The following ITGA9 variants were observed in gnomAD, a reference collection of about 807,000 sequenced individuals.
ITGA9 encodes the protein integrin alpha-9.
A neutral mutation model predicts 127.8 loss-of-function variants in ITGA9; 56 were observed. That is an observed-to-expected ratio of 0.44 (90% CI 0.35 to 0.55). The LOEUF is 0.55. ITGA9 is among the 20% of genes least tolerant of loss of function. The pLI, the probability that ITGA9 is intolerant of heterozygous loss-of-function variation, is 0.00. For missense variants in ITGA9, 1,196 were observed against 1,347.1 expected (o/e 0.89, Z 1.76); for synonymous variants, 508 against 514.5 (o/e 0.99, Z 0.17).
At chr3:37,502,961 T>C (rs1698803053) in intron 5 of ITGA9, among the ~76,000 whole-genome samples, 1 of 152,236 alleles carries the variant, frequency 6.6e-6, no homozygotes, top group African/African-American at 2.4e-5. Flanking sequence ...GTCACCTTGC[T>C]CAGTCTCTTC....
intron 17 of ITGA9, among the ~76,000 whole-genome samples, chr3:37,666,692 A>T (rs565050547): frequency 6.6e-6 from 1 of 152,332 alleles, no homozygotes; most frequent in Non-Finnish European, 1.5e-5. Context: ...CTTTTGCTAC[A>T]TTCTGTTGAT....
chr3:37,724,791 C>T (rs1701229371), intron 18 of ITGA9, among the ~76,000 whole-genome samples: 1 of 152,188 alleles, frequency 6.6e-6, no homozygotes, highest in Admixed American at 6.5e-5. Flanking sequence ...AGCCACTGAG[C>T]CCGGTCAAAA....
chr3:37,772,428 G>A (rs1246803876), intron 23 of ITGA9, among the ~76,000 whole-genome samples: 1 of 151,894 alleles, frequency 6.6e-6, no homozygotes, highest in African/African-American at 2.4e-5. Flanking sequence ...CAAAAATGTG[G>A]GGACAGTAAT....
At chr3:37,604,717 T>C (rs1699951674) in intron 15 of ITGA9, among the ~76,000 whole-genome samples, 1 of 152,196 alleles carries the variant, frequency 6.6e-6, no homozygotes, top group Admixed American at 6.5e-5. Context: ...TTTTGGCAGA[T>C]GTCCTTTGTA....
chr3:37,457,734 G>A (rs370907531), intron 1 of ITGA9, among the ~76,000 whole-genome samples: 9 of 152,330 alleles, frequency 5.9e-5, no homozygotes, highest in South Asian at 2.1e-4. Context: ...GCATCTTCTC[G>A]GGGTTTCTGG....
intron 27 of ITGA9, among the ~76,000 whole-genome samples, chr3:37,815,775 G>A (rs59734193): frequency 0.012 from 1,902 of 152,250 alleles, 46 homozygotes; most frequent in African/African-American, 0.044. Context: ...CCAGTATTCA[G>A]CGGCTTAAAA....
Position 37,779,884 on chromosome 3 carries a change from T to C in ITGA9, c.2668-18T>C, listed in dbSNP as rs749335005. 55 of 1,613,606 alleles carry C rather than the reference T, an allele frequency of 3.4e-5. No individual in the cohort carries two copies. The highest frequency in any genetic ancestry group is 6.8e-6 in the Non-Finnish European group (8 of 1,179,680). On this transcript the variant is annotated intron_variant, in intron 24 of 27. Transcript: ENST00000264741. ...TGTTCTTAATTCCATTGGAAATTTT[T>C]CTGACTTTTCTTCTCAGGACTGTGA...
chr3:37,496,409 T>C (rs1363418670), intron 5 of ITGA9, among the ~76,000 whole-genome samples: 1 of 152,160 alleles, frequency 6.6e-6, no homozygotes, highest in East Asian at 1.9e-4. Context: ...CTCACTCTCC[T>C]ACTTCTAAGC....
intron 17 of ITGA9, among the ~76,000 whole-genome samples, chr3:37,683,542 A>G (rs1287792264): frequency 6.6e-6 from 1 of 152,190 alleles, no homozygotes; most frequent in East Asian, 1.9e-4. Context: ...GCACTCAGAA[A>G]TAACCGCATG....
chr3:37,515,108 G>A (rs1474075625), intron 9 of ITGA9, among the ~76,000 whole-genome samples: 7 of 152,108 alleles, frequency 4.6e-5, no homozygotes, highest in Admixed American at 6.5e-5. Flanking sequence ...TTCTGGTGCC[G>A]CCTACCTTTT....
intron 16 of ITGA9, among the ~76,000 whole-genome samples, chr3:37,630,656 C>T (rs750712483): frequency 6.6e-6 from 1 of 152,314 alleles, no homozygotes; most frequent in East Asian, 1.9e-4. Flanking sequence ...CCTACACACA[C>T]ATCAGCCAGG....
chr3:37,563,046 T>C (rs2125600794), intron 15 of ITGA9, among the ~76,000 whole-genome samples: 1 of 152,206 alleles, frequency 6.6e-6, no homozygotes, highest in African/African-American at 2.4e-5. Flanking sequence ...CATTGACTAA[T>C]TGCCCAATAA....
At chr3:37,618,181 G>T (rs1397077208) in intron 15 of ITGA9, among the ~76,000 whole-genome samples, 1 of 152,220 alleles carries the variant, frequency 6.6e-6, no homozygotes, top group Non-Finnish European at 1.5e-5. Context: ...CCTTCTAACA[G>T]TCAGGACCCT....
chr3:37,601,630 A>G (rs1226568341), intron 15 of ITGA9, among the ~76,000 whole-genome samples: 1 of 152,208 alleles, frequency 6.6e-6, no homozygotes, highest in African/African-American at 2.4e-5. Flanking sequence ...TTCAGACACC[A>G]TGGCTTCCAC....
Position 37,748,920 on chromosome 3 carries a change from G to A in ITGA9, c.2434-1542G>A, listed in dbSNP as rs1019882750. 4 of 766,750 alleles carry A rather than the reference G, an allele frequency of 5.2e-6. No homozygotes were observed. In the African/African-American group the frequency reaches 7.0e-5, roughly 13 times the overall value. 47.5% of individuals were successfully genotyped at this position (766,750 alleles called of 1,614,324 possible). The stretch of plus-strand genomic sequence containing the variant: ...ATGGCATAATAGGTGTCTAAAAAAT[G>A]AAAGACCTCTGGACTGTTTAAAAAA... On this transcript the variant is annotated intron_variant, in intron 22 of 27. Coordinates refer to ENST00000264741, the MANE Select transcript of ITGA9 (RefSeq NM_002207.3).
At chr3:37,748,747 T>TAAAA (rs34063758) in intron 22 of ITGA9, 54 of 451,256 alleles carry the variant, frequency 1.2e-4, no homozygotes, top group South Asian at 3.4e-4. Context: ...GACTCTGTCT[T>TAAAA]AAAAAAAAAA....
intron 18 of ITGA9, among the ~76,000 whole-genome samples, chr3:37,706,653 G>C (rs1221077977): frequency 3.9e-5 from 6 of 152,178 alleles, no homozygotes; most frequent in Admixed American, 3.9e-4. Flanking sequence ...GCCCTGGCCA[G>C]GGGTGTCATT....
chr3:37,488,169 C>T (rs1480141957), intron 4 of ITGA9, among the ~76,000 whole-genome samples: 1 of 152,156 alleles, frequency 6.6e-6, no homozygotes, highest in Non-Finnish European at 1.5e-5. Flanking sequence ...TGGCCTCGAA[C>T]GTCTAGCCTC....
chr3:37,813,471 A>G (rs1697393099), intron 27 of ITGA9, among the ~76,000 whole-genome samples: 1 of 152,198 alleles, frequency 6.6e-6, no homozygotes, highest in Non-Finnish European at 1.5e-5. Context: ...ACCTTGCTAA[A>G]TTTAGTTTTT....
Sources: allele counts gnomAD v4.1 joint callset (sites outside exome capture counted in the v4.1 genomes callset), GRCh38; gene constraint gnomAD v4.1.1; transcripts MANE v1.5; gene names NCBI Gene and HGNC (gene_info 2026-07-23, HGNC 2026-07-21).